The following MED12L variants were observed in gnomAD, a reference collection of about 807,000 sequenced individuals.
MED12L encodes mediator complex subunit 12L.
MED12L carries 60 observed loss-of-function variants against 281.3 expected under a neutral mutation model. The ratio of observed to expected loss-of-function variants is 0.21; its 90% CI spans 0.17 to 0.26. The LOEUF is 0.26. Ranked by LOEUF, MED12L falls within the 10% of genes least tolerant of loss-of-function variation. The pLI is 1.00. For synonymous variants in MED12L, 974 were observed against 987.2 expected (o/e 0.99, Z 0.25); for missense variants, 2,146 against 2,680.9 (o/e 0.80, Z 4.41).
intron 43 of MED12L, among the ~76,000 whole-genome samples, chr3:151,422,226 T>C (rs1718329958): frequency 6.6e-6 from 1 of 152,338 alleles, no homozygotes; most frequent in Non-Finnish European, 1.5e-5. Context: ...GCTGAATTTT[T>C]GACAGAAGAG....
In MED12L at chr3:151,202,025, G is replaced by A. The variant is rs373651792; in HGVS notation, c.2250+8359G>A. 1.1e-4 allele frequency among the ~76,000 whole-genome samples: 17 copies of A among 152,256 alleles called. No homozygotes were observed. The East Asian group carries it at 1.3e-3, about 12-fold the overall frequency. On this transcript the variant is annotated intron_variant, in intron 16 of 44. Transcript: ENST00000687756. Reference sequence around the variant, plus strand: ...AATTTTCTCTGTAGCTAGAACTGACGATATATACCGTACATGAATAATTTA... The same window carrying A: ...AATTTTCTCTGTAGCTAGAACTGACAATATATACCGTACATGAATAATTTA...
intron 11 of MED12L, among the ~76,000 whole-genome samples, chr3:151,177,246 G>A (rs1722156757): frequency 6.6e-6 from 1 of 152,168 alleles, no homozygotes; most frequent in Admixed American, 6.5e-5. Context: ...GGCCTTGTGA[G>A]CCACTCAGGA....
intron 16 of MED12L, among the ~76,000 whole-genome samples, chr3:151,322,050 GT>G (rs1749059953): frequency 6.6e-6 from 1 of 152,164 alleles, no homozygotes; most frequent in Admixed American, 6.5e-5. Context: ...GCACCCAACT[GT>G]TTGATTTGTA....
At chr3:151,234,380 A>G (rs987792492) in intron 16 of MED12L, among the ~76,000 whole-genome samples, 6 of 152,242 alleles carry the variant, frequency 3.9e-5, no homozygotes, top group Admixed American at 1.3e-4. Context: ...GGTATTGCAA[A>G]TAGTTACGTT....
chr3:151,213,480 G>A lies in MED12L; in HGVS notation c.2250+19814G>A, dbSNP rs781679355. The stretch of plus-strand genomic sequence containing the variant: ...CATTTGCAGCAGATAGTAGCAGAGT[G>A]AATTCTTTCATATACCGCAAGATTT... On this transcript the variant is annotated intron_variant, in intron 16 of 44. Transcript: ENST00000687756. 1.1e-5 allele frequency: 17 copies of A among 1,614,032 alleles called. No homozygotes were observed. In the Admixed American group the frequency reaches 1.5e-4, roughly 14 times the overall value.
intron 16 of MED12L, among the ~76,000 whole-genome samples, chr3:151,242,073 A>T (rs1272707360): frequency 1.3e-5 from 2 of 152,182 alleles, no homozygotes; most frequent in Non-Finnish European, 2.9e-5. Flanking sequence ...GACGGGCTTA[A>T]AAAACGGGGC....
intron 15 of MED12L, 23 bp downstream of exon 15, chr3:151,192,677 AT>A: frequency 2.1e-6 from 3 of 1,408,186 alleles, no homozygotes; most frequent in Non-Finnish European, 2.9e-6. Flanking sequence ...TTTGATTCTT[AT>A]TGACAATTAA....
intron 36 of MED12L, among the ~76,000 whole-genome samples, chr3:151,387,124 T>C (rs1713524299): frequency 6.6e-6 from 1 of 152,124 alleles, no homozygotes; most frequent in African/African-American, 2.4e-5. Context: ...TAAGGAAAAA[T>C]ATTTTTAAAT....
intron 16 of MED12L, among the ~76,000 whole-genome samples, chr3:151,214,597 C>T (rs1576992484): frequency 6.7e-6 from 1 of 148,556 alleles, no homozygotes; most frequent in Non-Finnish European, 1.5e-5. Context: ...CTTCTCCCCT[C>T]TCCCCCTCCC....
intron 16 of MED12L, among the ~76,000 whole-genome samples, chr3:151,240,061 G>A (rs1245457064): frequency 6.7e-6 from 1 of 150,102 alleles, no homozygotes; most frequent in African/African-American, 2.5e-5. Flanking sequence ...GTGTGTGTGT[G>A]TATGGCCACC....
chr3:151,234,404 T>C (rs563121992), intron 16 of MED12L, among the ~76,000 whole-genome samples: 2 of 152,228 alleles, frequency 1.3e-5, no homozygotes, highest in Admixed American at 6.5e-5. Flanking sequence ...GAGCTGAGAT[T>C]TGAATCGAGG....
At chr3:151,166,125 T>A in intron 11 of MED12L, 143 bp downstream of exon 11, 1 of 642,568 alleles carries the variant, frequency 1.6e-6, no homozygotes, top group African/African-American at 1.8e-5. Flanking sequence ...CATTCTATTG[T>A]TGGACTAAGA....
chr3:151,199,332 AC>A, intron 16 of MED12L: 1 of 1,613,316 alleles, frequency 6.2e-7, no homozygotes, highest in Non-Finnish European at 8.5e-7. Context: ...TAAAAAAAAT[AC>A]GTGAATGGCT....
intron 16 of MED12L, chr3:151,199,378 G>A (rs767867924): frequency 6.2e-7 from 1 of 1,604,338 alleles, no homozygotes; most frequent in Non-Finnish European, 8.5e-7. Flanking sequence ...AGAACGAACT[G>A]TTTGTCATCT....
chr3:151,195,912 G>T (rs183701906), intron 16 of MED12L, among the ~76,000 whole-genome samples: 6 of 152,166 alleles, frequency 3.9e-5, no homozygotes, highest in Non-Finnish European at 1.5e-5. Context: ...AAGAATTAAG[G>T]GGGGTGATAA....
At chr3:151,280,322 G>T (rs1449392960) in intron 16 of MED12L, among the ~76,000 whole-genome samples, 1 of 152,168 alleles carries the variant, frequency 6.6e-6, no homozygotes, top group Non-Finnish European at 1.5e-5. Context: ...ACGCTGATTT[G>T]CATGTACTGT....
chr3:151,152,837 A>G (rs1718732560), intron 5 of MED12L, among the ~76,000 whole-genome samples: 1 of 152,152 alleles, frequency 6.6e-6, no homozygotes, highest in South Asian at 2.1e-4. Flanking sequence ...ATGCTGCCCT[A>G]CACTACCTCT....
At chr3:151,222,007 C>T (rs1418797186) in intron 16 of MED12L, among the ~76,000 whole-genome samples, 1 of 152,252 alleles carries the variant, frequency 6.6e-6, no homozygotes. Flanking sequence ...GGGAACCCAC[C>T]TCTTGCATTG....
At chr3:151,312,494 A>G (rs543348962) in intron 16 of MED12L, among the ~76,000 whole-genome samples, 4 of 152,280 alleles carry the variant, frequency 2.6e-5, no homozygotes, top group African/African-American at 9.6e-5. Context: ...TATAGTCAGT[A>G]AAGGGTACCC....
Sources: gnomAD v4.1 joint callset for allele counts (sites outside exome capture counted in the v4.1 genomes callset) on GRCh38, gnomAD v4.1.1 for gene constraint, MANE v1.5 for transcripts, NCBI Gene and HGNC (gene_info 2026-07-23, HGNC 2026-07-21) for gene names.